STRBP: variants seen among roughly 807,000 people sequenced by gnomAD.
The protein encoded by STRBP is spermatid perinuclear RNA binding protein, also known as spermatid perinuclear RNA-binding protein.
STRBP carries 13 observed loss-of-function variants against 80.1 expected under a neutral mutation model. That is an observed-to-expected ratio of 0.16 (90% CI 0.11 to 0.26). The LOEUF (loss-of-function observed/expected upper bound fraction) is 0.26. STRBP is among the 10% of genes least tolerant of loss of function. The pLI is 1.00. For missense variants in STRBP, 485 were observed against 815.2 expected (o/e 0.59, Z 4.93); for synonymous variants, 284 against 291.2 (o/e 0.98, Z 0.25).
At chr9:123,210,776 C>G (rs994846641) in intron 2 of STRBP, among the ~76,000 whole-genome samples, 1 of 151,754 alleles carries the variant, frequency 6.6e-6, no homozygotes, top group African/African-American at 2.4e-5. Flanking sequence ...CTGCAGTGAG[C>G]CAAGATCGTG....
chr9:123,148,585 C>T (rs559733266), intron 11 of STRBP, among the ~76,000 whole-genome samples: 86 of 152,310 alleles, frequency 5.6e-4, no homozygotes, highest in African/African-American at 2.0e-3. Flanking sequence ...TATAATTTAA[C>T]ATTTATGACT....
At position 123,179,152 on chromosome 9, in the gene STRBP, C is replaced by T. The variant is rs757615524; in HGVS notation, c.79G>A (p.Glu27Lys). ...ACCATATTCTGAACAGCTTCAAGTT[C>T]CTCCGGAGATGGATAGATTGTTGAA... ...KHSTIYPSPE[E>K]LEAVQNMVST... is the part of the protein sequence containing the mutation. The change falls in exon 4 of 19, where the codon GAA (glutamate) becomes AAA (lysine). Residue 27 changes from glutamate (E) to lysine (K), a missense_variant. Glu to Lys is a moderately conservative substitution (Grantham distance 56). Around this residue, in one of 3 missense-constraint regions of STRBP, gnomAD observed 377 missense variants for 616.1 expected, o/e 0.61. Transcript: ENST00000348403. 6.2e-7 allele frequency: 1 copy of T among 1,613,848 alleles called. No individual in the cohort carries two copies. Among genetic ancestry groups the T allele is most frequent in the South Asian group, 1.1e-5 (1 of 91,058 alleles).
chr9:123,157,982 C>A, intron 11 of STRBP, 30 bp downstream of exon 11: 1 of 1,531,950 alleles, frequency 6.5e-7, no homozygotes, highest in South Asian at 1.1e-5. Flanking sequence ...GTGCCAACCC[C>A]CAACCCTAAT....
intron 1 of STRBP, among the ~76,000 whole-genome samples, chr9:123,251,089 C>A (rs2040905151): frequency 6.6e-6 from 1 of 152,220 alleles, no homozygotes. Flanking sequence ...GATCGTACCA[C>A]TGCACTCCAG....
intron 1 of STRBP, among the ~76,000 whole-genome samples, chr9:123,258,081 T>C (rs749257668): frequency 6.6e-6 from 1 of 151,988 alleles, no homozygotes; most frequent in Non-Finnish European, 1.5e-5. Flanking sequence ...ATTAAAACTT[T>C]AAAAAAATTA....
chr9:123,251,280 G>T (rs1342229481), intron 1 of STRBP, among the ~76,000 whole-genome samples: 2 of 152,022 alleles, frequency 1.3e-5, no homozygotes. Flanking sequence ...CAAGAGAACG[G>T]ACGGCACTTA....
intron 3 of STRBP, chr9:123,180,734 A>C (rs1273713146): frequency 5.7e-6 from 1 of 174,774 alleles, no homozygotes; most frequent in African/African-American, 2.4e-5. Flanking sequence ...AAAACCTTTA[A>C]ATTTTTCCAA....
chr9:123,170,067 A>G (rs1286109216), intron 5 of STRBP, 21 bp from the exon 6 acceptor site: 2 of 1,591,684 alleles, frequency 1.3e-6, no homozygotes, highest in Middle Eastern at 1.7e-4. Context: ...CCAAGATTTC[A>G]AAATCACCCA....
chr9:123,260,445 A>G (rs2041136392), intron 1 of STRBP, among the ~76,000 whole-genome samples: 1 of 152,232 alleles, frequency 6.6e-6, no homozygotes, highest in Admixed American at 6.5e-5. Flanking sequence ...ATTTAAGCAC[A>G]AAATAACTTC....
At chr9:123,216,490 A>G (rs1411142291) in intron 2 of STRBP, among the ~76,000 whole-genome samples, 2 of 152,214 alleles carry the variant, frequency 1.3e-5, no homozygotes, top group African/African-American at 4.8e-5. Flanking sequence ...ATAATTTACA[A>G]CAGACAGTCT....
At chr9:123,201,999 A>G (rs2039343515) in intron 2 of STRBP, among the ~76,000 whole-genome samples, 1 of 152,192 alleles carries the variant, frequency 6.6e-6, no homozygotes. Flanking sequence ...TATAGTGACT[A>G]TATTTGCCTT....
chr9:123,128,811 C>T (rs1452098448), intron 17 of STRBP, among the ~76,000 whole-genome samples: 1 of 152,184 alleles, frequency 6.6e-6, no homozygotes, highest in Non-Finnish European at 1.5e-5. Flanking sequence ...AGGTCGTGAG[C>T]CCAAGGGCAA....
At chr9:123,213,837 G>C (rs2039796550) in intron 2 of STRBP, 1 of 151,382 alleles carries the variant, frequency 6.6e-6, no homozygotes, top group Non-Finnish European at 1.5e-5. Flanking sequence ...AGGCAGAATT[G>C]CTTGAACCTG....
chr9:123,197,081 T>A (rs1352007805), intron 2 of STRBP, among the ~76,000 whole-genome samples: 1 of 152,158 alleles, frequency 6.6e-6, no homozygotes, highest in African/African-American at 2.4e-5. Flanking sequence ...TCTTGTTACT[T>A]GCAACAACAA....
At chr9:123,114,897 A>T (rs913530948) in intron 3 of STRBP, 5 of 299,262 alleles carry the variant, frequency 1.7e-5, no homozygotes, top group Non-Finnish European at 2.8e-5. Context: ...CTGTGAGGAG[A>T]TGCCATTCCT....
At chr9:123,228,595 T>C (rs1321970192) in intron 2 of STRBP, among the ~76,000 whole-genome samples, 3 of 152,214 alleles carry the variant, frequency 2.0e-5, no homozygotes, top group Non-Finnish European at 4.4e-5. Context: ...GACTGTGAAC[T>C]GACTGTTGAA....
At chr9:123,119,267 C>A (rs1259061536), downstream of STRBP, among the ~76,000 whole-genome samples, 1 of 152,120 alleles carries the variant, frequency 6.6e-6, no homozygotes, top group Non-Finnish European at 1.5e-5. Flanking sequence ...ATTCCGGAGG[C>A]AGTTGTAACC....
chr9:123,237,372 T>C (rs560547352), intron 1 of STRBP, among the ~76,000 whole-genome samples: 24 of 152,168 alleles, frequency 1.6e-4, no homozygotes, highest in Admixed American at 3.9e-4. Context: ...TCAACACTGA[T>C]GAAATACTCA....
intron 1 of STRBP, among the ~76,000 whole-genome samples, chr9:123,249,372 C>T (rs933218771): frequency 2.0e-5 from 3 of 152,046 alleles, no homozygotes; most frequent in African/African-American, 7.2e-5. Context: ...GAGTGAGACC[C>T]TGTCTCAAAA....
Sources: allele counts gnomAD v4.1 joint callset (sites outside exome capture counted in the v4.1 genomes callset), GRCh38; gene constraint gnomAD v4.1.1; regional missense constraint gnomAD v4.1.1; transcripts MANE v1.5; gene names NCBI Gene and HGNC (gene_info 2026-07-23, HGNC 2026-07-21).